ACSS3: variants seen among roughly 807,000 people sequenced by gnomAD.
ACSS3 encodes acyl-CoA synthetase short-chain family member 3, mitochondrial.
A neutral mutation model predicts 84.2 loss-of-function variants in ACSS3; 64 were observed. The ratio of observed to expected loss-of-function variants is 0.76; its 90% CI spans 0.62 to 0.94. The LOEUF (loss-of-function observed/expected upper bound fraction) is 0.94, where lower values mean the gene tolerates loss of function less well. Among genes scored for constraint, ACSS3 ranks in the 40% least tolerant of loss-of-function variants. The probability of loss-of-function intolerance (pLI) is 0.00; values close to 1 mark genes in which losing one functional copy is unlikely to be tolerated. For synonymous variants in ACSS3, 317 were observed against 310.1 expected (o/e 1.02, Z -0.23); for missense variants, 815 against 867.6 (o/e 0.94, Z 0.76).
intron 1 of ACSS3, among the ~76,000 whole-genome samples, chr12:81,096,743 T>A (rs954707875): frequency 2.6e-5 from 4 of 152,080 alleles, no homozygotes; most frequent in Non-Finnish European, 5.9e-5. Context: ...GTTCCTGTGT[T>A]AGTTGCTGAG....
intron 8 of ACSS3, among the ~76,000 whole-genome samples, chr12:81,176,339 A>G (rs10862252): frequency 0.67 from 101,778 of 152,030 alleles, 34,364 homozygotes; most frequent in Non-Finnish European, 0.73. Context: ...AGCACACTGG[A>G]AGGCCGAGGC....
At chr12:81,192,770 C>G (rs1309422464) in intron 8 of ACSS3, among the ~76,000 whole-genome samples, 1 of 152,184 alleles carries the variant, frequency 6.6e-6, no homozygotes, top group East Asian at 1.9e-4. Flanking sequence ...TTTCTCAGCT[C>G]TTCAATTACT....
intron 2 of ACSS3, among the ~76,000 whole-genome samples, chr12:81,128,275 A>G (rs73149275): frequency 0.35 from 53,466 of 152,018 alleles, 11,914 homozygotes; most frequent in Non-Finnish European, 0.5. Flanking sequence ...TTTAGGACAT[A>G]CAGCTGATAC....
intron 1 of ACSS3, among the ~76,000 whole-genome samples, chr12:81,097,606 C>T (rs1882160890): frequency 1.3e-5 from 2 of 152,210 alleles, no homozygotes; most frequent in Non-Finnish European, 2.9e-5. Context: ...CTGCTCCTGC[C>T]CATTCTACCT....
At chr12:81,157,364 A>G (rs1886927069) in intron 7 of ACSS3, among the ~76,000 whole-genome samples, 1 of 152,224 alleles carries the variant, frequency 6.6e-6, no homozygotes, top group South Asian at 2.1e-4. Context: ...TCAACCTGAC[A>G]AAAGATCACC....
At chr12:81,227,422 CAA>C (rs1491196268) in intron 11 of ACSS3, among the ~76,000 whole-genome samples, 6 of 151,400 alleles carry the variant, frequency 4.0e-5, no homozygotes, top group Admixed American at 2.0e-4. Context: ...CACACACACA[CAA>C]GTGTTGATTA....
At chr12:81,154,316 T>G (rs977233670) in intron 7 of ACSS3, among the ~76,000 whole-genome samples, 3 of 152,218 alleles carry the variant, frequency 2.0e-5, no homozygotes, top group Admixed American at 1.3e-4. Flanking sequence ...GGGCTTTTAT[T>G]GTTTCTCAAG....
At chr12:81,125,103 A>G (rs1285675378) in intron 2 of ACSS3, among the ~76,000 whole-genome samples, 3 of 152,052 alleles carry the variant, frequency 2.0e-5, no homozygotes, top group Non-Finnish European at 4.4e-5. Flanking sequence ...AGTCCCAGCT[A>G]CTCGGGAGGC....
intron 12 of ACSS3, among the ~76,000 whole-genome samples, chr12:81,231,949 T>C (rs565144001): frequency 6.6e-6 from 1 of 150,542 alleles, no homozygotes; most frequent in African/African-American, 2.4e-5. Flanking sequence ...AGAATTTCAC[T>C]AAAAAAGTTT....
rs755355626 is a variant in ACSS3, at chr12:81,231,065, T to C, written c.1523T>C (p.Leu508Ser). 1 of 1,610,394 alleles carries C rather than the reference T, an allele frequency of 6.2e-7. No homozygotes were observed. Among genetic ancestry groups the C allele is most frequent in the Non-Finnish European group, 8.5e-7 (1 of 1,177,840 alleles). Reference protein sequence around the residue: ...CLGNIVVKLPLPPGAFSGLWK... With the variant: ...CLGNIVVKLPSPPGAFSGLWK... Reference sequence around the variant, plus strand: ...CTCTGTTTTTATATAAGGTTACCATTGCCACCTGGGGCTTTTTCAGGACTC... The same window carrying C: ...CTCTGTTTTTATATAAGGTTACCATCGCCACCTGGGGCTTTTTCAGGACTC... Residue 508 changes from leucine (L) to serine (S), a missense_variant, in exon 12 of 16, where the codon TTG becomes TCG. Coordinates refer to ENST00000548058, the MANE Select transcript of ACSS3 (RefSeq NM_024560.4).
At chr12:81,116,254 G>T (rs1032742235) in intron 2 of ACSS3, among the ~76,000 whole-genome samples, 2 of 151,980 alleles carry the variant, frequency 1.3e-5, no homozygotes, top group Admixed American at 6.6e-5. Flanking sequence ...GTTAAATTTT[G>T]AGAGGACTTA....
intron 1 of ACSS3, among the ~76,000 whole-genome samples, chr12:81,091,910 A>G (rs1338087857): frequency 6.6e-6 from 1 of 152,100 alleles, no homozygotes; most frequent in Non-Finnish European, 1.5e-5. Flanking sequence ...AGGAAAGTTA[A>G]GTAACTTGCT....
chr12:81,258,490 C>T lies in ACSS3; in HGVS notation c.*3568C>T, dbSNP rs1469106785. On this transcript the variant is annotated 3_prime_UTR_variant, in exon 16 of 16. Coordinates refer to ENST00000548058, the MANE Select transcript of ACSS3 (RefSeq NM_024560.4). ...AAATGGTATTATTAAATAGGCTTTA[C>T]TTTGAATCTCCCATATAAACAAAGA... The T allele has an allele frequency of 1.3e-5, 2 of 152,098 alleles. No individual in the cohort carries two copies. Among genetic ancestry groups the T allele is most frequent in the African/African-American group, 4.8e-5 (2 of 41,440 alleles). The allele number at this position is 152,098 out of a possible 1,614,324, so 9.4% of individuals were successfully genotyped here.
chr12:81,110,690 G>C (rs1310185801), intron 2 of ACSS3, among the ~76,000 whole-genome samples: 1 of 152,178 alleles, frequency 6.6e-6, no homozygotes, highest in African/African-American at 2.4e-5. Context: ...CCACCTTAAA[G>C]ATGCTGGTAA....
chr12:81,150,101 A>G (rs1216785872), intron 5 of ACSS3, among the ~76,000 whole-genome samples: 1 of 152,050 alleles, frequency 6.6e-6, no homozygotes, highest in Non-Finnish European at 1.5e-5. Context: ...GTCTTCCCTT[A>G]CCTTTTATTT....
At chr12:81,131,921 G>T (rs992054922) in intron 2 of ACSS3, among the ~76,000 whole-genome samples, 1 of 152,110 alleles carries the variant, frequency 6.6e-6, no homozygotes, top group Non-Finnish European at 1.5e-5. Flanking sequence ...TTATGTGATG[G>T]ATTACGTTTA....
intron 10 of ACSS3, among the ~76,000 whole-genome samples, chr12:81,217,465 A>G (rs2032962563): frequency 1.3e-5 from 2 of 152,194 alleles, no homozygotes; most frequent in Admixed American, 6.5e-5. Flanking sequence ...CTTTGATTTC[A>G]AAAGCTGCAG....
chr12:81,216,226 G>A (rs1423822811), intron 9 of ACSS3, among the ~76,000 whole-genome samples: 3 of 149,406 alleles, frequency 2.0e-5, no homozygotes, highest in African/African-American at 4.9e-5. Flanking sequence ...TTTAGGGTAC[G>A]TGTGCACAAC....
chr12:81,160,471 G>T (rs12817105), intron 7 of ACSS3, among the ~76,000 whole-genome samples: 69,850 of 152,062 alleles, frequency 0.46, 16,579 homozygotes, highest in Non-Finnish European at 0.52. Flanking sequence ...GAGTATGGTC[G>T]CTGGACTAGA....
Sources: gnomAD v4.1 joint callset for allele counts (sites outside exome capture counted in the v4.1 genomes callset) on GRCh38, gnomAD v4.1.1 for gene constraint, MANE v1.5 for transcripts, NCBI Gene and HGNC (gene_info 2026-07-23, HGNC 2026-07-21) for gene names.